The following NVL variants were observed in gnomAD, a reference collection of about 807,000 sequenced individuals.
NVL encodes nuclear VCP like, also known as nuclear valosin-containing protein-like.
Under a neutral mutation model 110.2 loss-of-function variants are expected in NVL, and 84 were observed. The observed-to-expected ratio is 0.76, with a 90% CI of 0.64 to 0.91. The LOEUF (loss-of-function observed/expected upper bound fraction) is 0.91, where lower values mean the gene tolerates loss of function less well. Ranked by LOEUF, NVL falls within the 40% of genes least tolerant of loss-of-function variation. The pLI, the probability that NVL is intolerant of heterozygous loss-of-function variation, is 0.00. For missense variants in NVL, 882 were observed against 1,035.9 expected, an observed-to-expected ratio of 0.85 and a Z score of 2.04; for synonymous variants, 354 against 361.1, an observed-to-expected ratio of 0.98 and a Z score of 0.22.
chr1:224,265,126 G>A (rs1423899229), intron 18 of NVL, among the ~76,000 whole-genome samples: 1 of 152,080 alleles, frequency 6.6e-6, no homozygotes, highest in African/African-American at 2.4e-5. Flanking sequence ...TTTAGGGGAA[G>A]ACAATATACA....
chr1:224,301,398 G>T (rs575986994), intron 9 of NVL, among the ~76,000 whole-genome samples: 15 of 152,090 alleles, frequency 9.9e-5, no homozygotes, highest in Admixed American at 7.9e-4. Flanking sequence ...ACCATTCCTG[G>T]CCTATCAAAA....
At chr1:224,230,888 C>T (rs931202069) in intron 22 of NVL, among the ~76,000 whole-genome samples, 1 of 152,116 alleles carries the variant, frequency 6.6e-6, no homozygotes. Context: ...AATCCCAGCA[C>T]TTTGGGAGGC....
chr1:224,257,205 A>C, intron 18 of NVL: 1 of 466,360 alleles, frequency 2.1e-6, no homozygotes, highest in South Asian at 1.7e-5. Context: ...AAGTGCATTC[A>C]CTCACAAATG....
At chr1:224,304,338 T>C (rs1157311823) in intron 8 of NVL, among the ~76,000 whole-genome samples, 2 of 151,968 alleles carry the variant, frequency 1.3e-5, no homozygotes, top group Non-Finnish European at 1.5e-5. Context: ...GGCAGAAGAA[T>C]CTCTTGAACC....
chr1:224,277,932 T>G (rs2102865525), intron 16 of NVL, among the ~76,000 whole-genome samples: 1 of 152,348 alleles, frequency 6.6e-6, no homozygotes, highest in East Asian at 1.9e-4. Flanking sequence ...TTCGGTCTCC[T>G]TTACCAGATC....
intron 18 of NVL, among the ~76,000 whole-genome samples, chr1:224,260,697 TC>T (rs1049117899): frequency 4.8e-5 from 7 of 147,100 alleles, no homozygotes; most frequent in African/African-American, 1.8e-4. Context: ...TTTCTTCTTT[TC>T]CTTTTTTTTT....
At chr1:224,322,493 C>T (rs997113839) in intron 2 of NVL, among the ~76,000 whole-genome samples, 4 of 152,080 alleles carry the variant, frequency 2.6e-5, no homozygotes, top group African/African-American at 7.2e-5. Flanking sequence ...CTTAGTTTCT[C>T]TTCTTTTCTT....
At chr1:224,328,202 C>G (rs1376530715) in intron 1 of NVL, among the ~76,000 whole-genome samples, 5 of 151,992 alleles carry the variant, frequency 3.3e-5, no homozygotes, top group Admixed American at 3.3e-4. Context: ...GGTATTTTTC[C>G]TAATGCTATC....
intron 15 of NVL, among the ~76,000 whole-genome samples, chr1:224,283,820 T>C (rs2102606443): frequency 6.6e-6 from 1 of 152,328 alleles, no homozygotes; most frequent in Non-Finnish European, 1.5e-5. Flanking sequence ...TGTGTTGTTC[T>C]CTTCTACCTC....
intron 18 of NVL, among the ~76,000 whole-genome samples, chr1:224,250,884 C>A (rs188875400): frequency 2.0e-5 from 3 of 152,070 alleles, no homozygotes; most frequent in Non-Finnish European, 4.4e-5. Flanking sequence ...CTTGAACTCC[C>A]GAGTGCAAGC....
In NVL at chr1:224,297,310, A is replaced by G. The variant is rs58910009; in HGVS notation, c.1063-692T>C. 6.2e-3 allele frequency among the ~76,000 whole-genome samples: 942 copies of G among 152,382 alleles called. 9 individuals are homozygous for G. Among genetic ancestry groups the G allele is most frequent in the African/African-American group, 0.021 (886 of 41,582 alleles). On this transcript the variant is annotated intron_variant, in intron 10 of 22. Coordinates refer to ENST00000281701, the MANE Select transcript of NVL (RefSeq NM_002533.4). ...TACACTGAATAAGGAAGGATGGTAA[A>G]GTTCTAATACATCAGTGTAAAGATC... is the stretch of plus-strand genomic sequence containing the variant.
chr1:224,318,267 A>T (rs1278624767), intron 2 of NVL, among the ~76,000 whole-genome samples: 1 of 152,206 alleles, frequency 6.6e-6, no homozygotes, highest in Non-Finnish European at 1.5e-5. Flanking sequence ...TTCTGTCTAC[A>T]TATAGAGATT....
At chr1:224,283,303 C>A (rs546069402) in intron 15 of NVL, among the ~76,000 whole-genome samples, 2 of 151,972 alleles carry the variant, frequency 1.3e-5, no homozygotes, top group Non-Finnish European at 2.9e-5. Flanking sequence ...CTGGCTAATG[C>A]GGCAAAACCC....
chr1:224,250,882 C>A (rs948827341), intron 18 of NVL, among the ~76,000 whole-genome samples: 4 of 152,142 alleles, frequency 2.6e-5, no homozygotes, highest in Non-Finnish European at 5.9e-5. Context: ...GTCTTGAACT[C>A]CCGAGTGCAA....
At chr1:224,247,596 G>A (rs1419746913) in intron 19 of NVL, among the ~76,000 whole-genome samples, 4 of 152,024 alleles carry the variant, frequency 2.6e-5, no homozygotes, top group African/African-American at 9.7e-5. Flanking sequence ...CTGAATGCGG[G>A]AGGTGGAGGT....
At chr1:224,283,983 T>C (rs934546551) in intron 15 of NVL, among the ~76,000 whole-genome samples, 1 of 152,240 alleles carries the variant, frequency 6.6e-6, no homozygotes, top group Non-Finnish European at 1.5e-5. Context: ...GTTGTACTTA[T>C]TAAAAATGTT....
At chr1:224,304,922 C>G in intron 7 of NVL, 110 bp from the exon 8 acceptor site, 2 of 1,507,566 alleles carry the variant, frequency 1.3e-6, no homozygotes, top group Non-Finnish European at 1.8e-6. Context: ...GAAATATTTC[C>G]TGGTAAACAT....
At chr1:224,240,885 G>T (rs996636386) in intron 19 of NVL, among the ~76,000 whole-genome samples, 1 of 150,432 alleles carries the variant, frequency 6.6e-6, no homozygotes, top group Non-Finnish European at 1.5e-5. Flanking sequence ...CCGCCTCCCG[G>T]GTTCAAGAGA....
At chr1:224,269,000 G>T (rs1409322510) in intron 17 of NVL, among the ~76,000 whole-genome samples, 4 of 151,280 alleles carry the variant, frequency 2.6e-5, no homozygotes, top group Non-Finnish European at 4.4e-5. Flanking sequence ...AGTATATCAG[G>T]TATTCTAGAT....
Sources: gnomAD v4.1 joint callset for allele counts (sites outside exome capture counted in the v4.1 genomes callset) on GRCh38, gnomAD v4.1.1 for gene constraint, MANE v1.5 for transcripts, NCBI Gene and HGNC (gene_info 2026-07-23, HGNC 2026-07-21) for gene names.